Variants in SLC39A11 observed in about 807,000 individuals in gnomAD.
SLC39A11 encodes solute carrier family 39 member 11, also known as zinc transporter ZIP11.
A neutral mutation model predicts 36.1 loss-of-function variants in SLC39A11; 33 were observed. The observed-to-expected ratio is 0.91, with a 90% CI of 0.69 to 1.22. SLC39A11 has a LOEUF of 1.22. Among genes scored for constraint, SLC39A11 ranks in the 50% most tolerant of loss-of-function variants. The probability of loss-of-function intolerance (pLI) is 0.00; values close to 1 mark genes in which losing one functional copy is unlikely to be tolerated. For synonymous variants in SLC39A11, 166 were observed against 170.3 expected (o/e 0.97, Z 0.20); for missense variants, 432 against 430.3 (o/e 1.00, Z -0.03).
intron 7 of SLC39A11, among the ~76,000 whole-genome samples, chr17:72,699,593 T>C (rs2072506178): frequency 6.6e-6 from 1 of 152,220 alleles, no homozygotes; most frequent in South Asian, 2.1e-4. Context: ...CCTCTAAGGC[T>C]GAAACATATT....
At chr17:73,046,987 G>C (rs1459968735) in intron 3 of SLC39A11, among the ~76,000 whole-genome samples, 3 of 151,454 alleles carry the variant, frequency 2.0e-5, no homozygotes, top group Admixed American at 2.0e-4. Context: ...ATGTAGCCTA[G>C]TAGAAAGAAG....
intron 7 of SLC39A11, among the ~76,000 whole-genome samples, chr17:72,659,569 T>G (rs371012249): frequency 7.3e-6 from 1 of 136,090 alleles, no homozygotes; most frequent in Admixed American, 7.9e-5. Flanking sequence ...GTGTCCTCTG[T>G]GACTCTTTTT....
intron 3 of SLC39A11, among the ~76,000 whole-genome samples, chr17:73,045,513 T>C (rs2059256555): frequency 6.7e-6 from 1 of 149,658 alleles, no homozygotes; most frequent in African/African-American, 2.5e-5. Flanking sequence ...CTACCATGAG[T>C]GAGATGCCCA....
At chr17:72,935,376 G>C (rs1250683620) in intron 5 of SLC39A11, among the ~76,000 whole-genome samples, 2 of 152,094 alleles carry the variant, frequency 1.3e-5, no homozygotes, top group Admixed American at 6.5e-5. Context: ...AGGGAAACAG[G>C]GATAGGTTGA....
Position 72,821,144 on chromosome 17 carries a change from T to C in SLC39A11, c.601+28490A>G, listed in dbSNP as rs567201496. Among the ~76,000 whole-genome samples, 5 of 150,506 alleles carry C rather than the reference T, an allele frequency of 3.3e-5. No homozygotes were observed. The East Asian group carries it at 9.7e-4, about 29-fold the overall frequency. On this transcript the variant is annotated intron_variant, in intron 6 of 9. Transcript: ENST00000255559. ...TGGTTCGCAGGTATAATTAATTACG[T>C]TAGAATGAGATCATCATGCAGTAGG... is the stretch of plus-strand genomic sequence containing the variant.
intron 7 of SLC39A11, among the ~76,000 whole-genome samples, chr17:72,670,093 CAT>C (rs140309414): frequency 6.7e-6 from 1 of 149,582 alleles, no homozygotes; most frequent in Non-Finnish European, 1.5e-5. Context: ...TATATACACA[CAT>C]ATATATACTT....
chr17:73,008,247 A>G (rs1397199202), intron 4 of SLC39A11, among the ~76,000 whole-genome samples: 1 of 146,360 alleles, frequency 6.8e-6, no homozygotes, highest in East Asian at 2.0e-4. Context: ...CTCCAGCCTC[A>G]CAGCATCCCT....
chr17:72,907,897 AAGG>A (rs1237833087), intron 5 of SLC39A11, among the ~76,000 whole-genome samples: 3 of 152,202 alleles, frequency 2.0e-5, no homozygotes, highest in African/African-American at 4.8e-5. Flanking sequence ...GGAGAAGTGG[AAGG>A]AGGAGACAGG....
At chr17:72,707,542 G>A (rs2072942760) in intron 7 of SLC39A11, among the ~76,000 whole-genome samples, 1 of 152,208 alleles carries the variant, frequency 6.6e-6, no homozygotes, top group Non-Finnish European at 1.5e-5. Flanking sequence ...GTACTGCAGG[G>A]CAGACAGGAA....
At chr17:72,715,340 T>G (rs949950365) in intron 7 of SLC39A11, among the ~76,000 whole-genome samples, 31 of 152,220 alleles carry the variant, frequency 2.0e-4, no homozygotes, top group Non-Finnish European at 3.4e-4. Context: ...GAAGAGATAT[T>G]CTTACATTCA....
chr17:72,647,741 A>T (rs1403547611), intron 9 of SLC39A11, 79 bp from the exon 10 acceptor site: 3 of 1,099,072 alleles, frequency 2.7e-6, no homozygotes. Flanking sequence ...ATCCTCTGCA[A>T]TGTCCAATTC....
chr17:72,776,625 A>AC (rs1191032033), intron 6 of SLC39A11, among the ~76,000 whole-genome samples: 1 of 151,232 alleles, frequency 6.6e-6, no homozygotes, highest in African/African-American at 2.4e-5. Flanking sequence ...AAAAAAAAAA[A>AC]AAAACAGAAG....
chr17:72,720,335 C>T (rs2073606591), intron 7 of SLC39A11, among the ~76,000 whole-genome samples: 3 of 138,674 alleles, frequency 2.2e-5, no homozygotes, highest in East Asian at 2.2e-4. Context: ...GCTCTAGAAA[C>T]AGGAGTAGAA....
intron 4 of SLC39A11, among the ~76,000 whole-genome samples, chr17:73,009,058 CAAAA>C (rs34448509): frequency 6.3e-5 from 5 of 78,822 alleles, no homozygotes; most frequent in Non-Finnish European, 7.5e-5. Flanking sequence ...AGACCTGCCT[CAAAA>C]AAAAAAAAAA....
chr17:72,867,579 AG>A (rs564594767), intron 5 of SLC39A11, among the ~76,000 whole-genome samples: 7 of 152,308 alleles, frequency 4.6e-5, no homozygotes, highest in Middle Eastern at 6.8e-3. Context: ...ATAAAGCGTA[AG>A]GGGGATAAAA....
At chr17:73,083,355 A>C (rs1271194218) in intron 3 of SLC39A11, among the ~76,000 whole-genome samples, 3 of 152,154 alleles carry the variant, frequency 2.0e-5, no homozygotes, top group Non-Finnish European at 4.4e-5. Context: ...TTTTTGACGG[A>C]ACAGTGGCTC....
At chr17:72,651,050 G>C (rs1347728532) in intron 7 of SLC39A11, among the ~76,000 whole-genome samples, 20 of 152,114 alleles carry the variant, frequency 1.3e-4, no homozygotes, top group Admixed American at 1.3e-3. Context: ...GAGGTTCGTA[G>C]TTCCAGATAC....
chr17:72,722,652 T>G (rs2143619147), intron 7 of SLC39A11, among the ~76,000 whole-genome samples: 1 of 152,192 alleles, frequency 6.6e-6, no homozygotes, highest in South Asian at 2.1e-4. Flanking sequence ...TTTTCTTTTT[T>G]GAGACAGAGT....
chr17:72,930,925 T>C (rs1275463353), intron 5 of SLC39A11, among the ~76,000 whole-genome samples: 3 of 152,152 alleles, frequency 2.0e-5, no homozygotes, highest in African/African-American at 7.2e-5. Context: ...TGGGTCTCCA[T>C]ACAAAGAAAG....
Sources: gnomAD v4.1 joint callset for allele counts (sites outside exome capture counted in the v4.1 genomes callset) on GRCh38, gnomAD v4.1.1 for gene constraint, MANE v1.5 for transcripts, NCBI Gene and HGNC (gene_info 2026-07-23, HGNC 2026-07-21) for gene names.